Variants in LHFPL2 observed in about 807,000 individuals in gnomAD.
LHFPL2 encodes the protein LHFPL tetraspan subfamily member 2 protein.
A neutral mutation model predicts 17.5 loss-of-function variants in LHFPL2; 7 were observed. That is an observed-to-expected ratio of 0.40 (90% CI 0.23 to 0.75). The LOEUF is 0.75. LHFPL2 is among the 30% of genes least tolerant of loss of function. The pLI, the probability that LHFPL2 is intolerant of heterozygous loss-of-function variation, is 0.37. For missense variants in LHFPL2, 241 were observed against 294.8 expected (o/e 0.82, Z 1.34); for synonymous variants, 134 against 116.2 (o/e 1.15, Z -0.99).
chr5:78,580,342 T>G (rs1313555967), intron 2 of LHFPL2, among the ~76,000 whole-genome samples: 2 of 152,230 alleles, frequency 1.3e-5, no homozygotes, highest in East Asian at 3.8e-4. Context: ...AGAAGCTCTT[T>G]AGTTTAATTA....
intron 3 of LHFPL2, among the ~76,000 whole-genome samples, chr5:78,516,803 AC>A (rs1285496736): frequency 6.6e-6 from 1 of 152,190 alleles, no homozygotes; most frequent in Admixed American, 6.5e-5. Context: ...CTGACTCAGA[AC>A]CTTGTGCCCT....
chr5:78,512,680 G>A (rs1755168512), intron 3 of LHFPL2, among the ~76,000 whole-genome samples: 1 of 151,542 alleles, frequency 6.6e-6, no homozygotes, highest in Non-Finnish European at 1.5e-5. Flanking sequence ...GAGCTATAAA[G>A]CCTTCCCATT....
chr5:78,504,781 T>C (rs1754882609), intron 4 of LHFPL2, among the ~76,000 whole-genome samples: 1 of 152,216 alleles, frequency 6.6e-6, no homozygotes, highest in Non-Finnish European at 1.5e-5. Context: ...GCCAGCGCCA[T>C]TCCCACGACC....
At chr5:78,581,060 C>T (rs565088614) in intron 2 of LHFPL2, among the ~76,000 whole-genome samples, 1 of 152,242 alleles carries the variant, frequency 6.6e-6, no homozygotes, top group Admixed American at 6.5e-5. Flanking sequence ...AGAGGTCCTT[C>T]CCATCCCTTT....
intron 2 of LHFPL2, among the ~76,000 whole-genome samples, chr5:78,572,020 T>C (rs1757011561): frequency 6.6e-6 from 1 of 152,190 alleles, no homozygotes; most frequent in Non-Finnish European, 1.5e-5. Context: ...CGTGGGCAGA[T>C]GATAATGTCT....
intron 2 of LHFPL2, among the ~76,000 whole-genome samples, chr5:78,609,450 C>CAAAAAAAAAAAAAAAAAAAAAAAAAAAAA (rs71613975): frequency 4.9e-5 from 2 of 40,684 alleles, no homozygotes; most frequent in African/African-American, 1.7e-4. Context: ...GACTCAGTCT[C>CAAAAAAAAAAAAAAAAAAAAAAAAAAAAA]AAAAAAAAAA....
rs553390888 is a variant in LHFPL2, at chr5:78,510,273, T to C, written c.-60A>G. On this transcript the variant is annotated 5_prime_UTR_variant, in exon 4 of 5. Coordinates refer to ENST00000380345, the MANE Select transcript of LHFPL2 (RefSeq NM_005779.3). ...CACGGAGTTAATCAAAACAAGAAAG[T>C]CGGTGGGGAAGGAGGCTCGGGCGGC... 3.5e-5 allele frequency: 52 copies of C among 1,475,678 alleles called. No homozygotes were observed. The Admixed American group carries it at 5.9e-4, about 17-fold the overall frequency. 91.4% of individuals were successfully genotyped at this position (1,475,678 alleles called of 1,614,324 possible).
At chr5:78,572,560 T>C (rs1757029831) in intron 2 of LHFPL2, among the ~76,000 whole-genome samples, 1 of 151,358 alleles carries the variant, frequency 6.6e-6, no homozygotes, top group African/African-American at 2.4e-5. Flanking sequence ...ACTAACTAAA[T>C]ATATGAGGAC....
chr5:78,566,757 G>A (rs1056234001), intron 2 of LHFPL2, among the ~76,000 whole-genome samples: 14 of 152,120 alleles, frequency 9.2e-5, no homozygotes, highest in African/African-American at 3.1e-4. Flanking sequence ...TGCGCCCGGC[G>A]AAACGATGAC....
At chr5:78,617,132 G>A (rs113138678) in intron 2 of LHFPL2, among the ~76,000 whole-genome samples, 2,019 of 152,054 alleles carry the variant, frequency 0.013, 49 homozygotes, top group African/African-American at 0.046. Context: ...AGGTTCAGGC[G>A]ATTCTCCTGC....
At chr5:78,501,851 G>T (rs1406677603) in intron 4 of LHFPL2, among the ~76,000 whole-genome samples, 1 of 152,182 alleles carries the variant, frequency 6.6e-6, no homozygotes, top group African/African-American at 2.4e-5. Flanking sequence ...CAATAAAAGA[G>T]TTTTTGTGAA....
intron 3 of LHFPL2, among the ~76,000 whole-genome samples, chr5:78,525,817 T>C (rs911700143): frequency 8.5e-5 from 13 of 152,182 alleles, no homozygotes; most frequent in Non-Finnish European, 1.5e-4. Flanking sequence ...GGTGAGTATC[T>C]AAATAGCTGA....
At chr5:78,501,589 C>T (rs1322268594) in intron 4 of LHFPL2, among the ~76,000 whole-genome samples, 1 of 152,176 alleles carries the variant, frequency 6.6e-6, no homozygotes, top group East Asian at 1.9e-4. Context: ...GAGATGAGGT[C>T]TCACTGTGTT....
At chr5:78,581,012 T>C (rs1159959887) in intron 2 of LHFPL2, among the ~76,000 whole-genome samples, 3 of 152,226 alleles carry the variant, frequency 2.0e-5, no homozygotes, top group Non-Finnish European at 4.4e-5. Context: ...TTGTATCCTC[T>C]TTTATTTCCT....
intron 3 of LHFPL2, among the ~76,000 whole-genome samples, chr5:78,518,533 C>T (rs1755354140): frequency 6.6e-6 from 1 of 152,226 alleles, no homozygotes; most frequent in African/African-American, 2.4e-5. Context: ...AAGGGATGCA[C>T]ACTCCTCAGG....
At position 78,632,281 on chromosome 5, in the gene LHFPL2, C is replaced by T. The variant is rs1176416381; in HGVS notation, c.-262G>A. On this transcript the variant is annotated 5_prime_UTR_variant, in exon 2 of 5. Coordinates refer to ENST00000380345, the MANE Select transcript of LHFPL2 (RefSeq NM_005779.3). Reference sequence around the variant, plus strand: ...CAACCCACCTGGCTGTGAGCAGTCCCAGGTCCCTCGCTTGCATGAGGTGCT... The same window carrying T: ...CAACCCACCTGGCTGTGAGCAGTCCTAGGTCCCTCGCTTGCATGAGGTGCT... 1 of 152,226 alleles carries T rather than the reference C, an allele frequency of 6.6e-6. No individual in the cohort carries two copies. Among genetic ancestry groups the T allele is most frequent in the Non-Finnish European group, 1.5e-5 (1 of 68,054 alleles). 9.4% of individuals were successfully genotyped at this position (152,226 alleles called of 1,614,324 possible).
intron 2 of LHFPL2, among the ~76,000 whole-genome samples, chr5:78,591,579 G>A (rs1730949637): frequency 6.6e-6 from 1 of 152,190 alleles, no homozygotes; most frequent in Non-Finnish European, 1.5e-5. Flanking sequence ...AAATCCCGAG[G>A]CCAACTCTGA....
intron 3 of LHFPL2, among the ~76,000 whole-genome samples, chr5:78,537,861 C>T (rs570974352): frequency 3.9e-5 from 6 of 152,070 alleles, no homozygotes; most frequent in African/African-American, 1.2e-4. Flanking sequence ...ATATAAAATG[C>T]GAAAGCTTCT....
At chr5:78,493,870 T>TA (rs1165667463) in intron 4 of LHFPL2, among the ~76,000 whole-genome samples, 1 of 152,180 alleles carries the variant, frequency 6.6e-6, no homozygotes, top group African/African-American at 2.4e-5. Context: ...CAGTAACAGA[T>TA]ACGAAGTTTG....
Sources: gnomAD v4.1 joint callset for allele counts (sites outside exome capture counted in the v4.1 genomes callset) on GRCh38, gnomAD v4.1.1 for gene constraint, MANE v1.5 for transcripts, NCBI Gene and HGNC (gene_info 2026-07-23, HGNC 2026-07-21) for gene names.